ROBO2: variants seen among roughly 807,000 people sequenced by gnomAD.
ROBO2 encodes roundabout guidance receptor 2.
In ROBO2, 53 loss-of-function variants were observed where a neutral mutation model predicts 160.8. The observed-to-expected ratio is 0.33, with a 90% CI of 0.26 to 0.41. The LOEUF is 0.41. Ranked by LOEUF, ROBO2 falls within the 10% of genes least tolerant of loss-of-function variation. The pLI is 1.00. For missense variants in ROBO2, 1,577 were observed against 1,722.4 expected, an observed-to-expected ratio of 0.92 and a Z score of 1.49; for synonymous variants, 664 against 611.7, an observed-to-expected ratio of 1.09 and a Z score of -1.26.
At chr3:76,949,049 C>A (rs912522714) in intron 2 of ROBO2, among the ~76,000 whole-genome samples, 1 of 150,410 alleles carries the variant, frequency 6.6e-6, no homozygotes, top group East Asian at 1.9e-4. Flanking sequence ...CCACGCCTGG[C>A]CATAATTTAA....
At chr3:76,815,970 C>G (rs1353526995) in intron 2 of ROBO2, among the ~76,000 whole-genome samples, 6 of 152,118 alleles carry the variant, frequency 3.9e-5, no homozygotes, top group Non-Finnish European at 8.8e-5. Flanking sequence ...TGTAGCTTTT[C>G]TCATTTATTT....
intron 1 of ROBO2, among the ~76,000 whole-genome samples, chr3:77,074,875 C>T (rs1578744235): frequency 6.6e-6 from 1 of 152,120 alleles, no homozygotes; most frequent in African/African-American, 2.4e-5. Context: ...ATTTAAAATG[C>T]TACATGTGGA....
chr3:77,091,025 G>T (rs2070166889), intron 1 of ROBO2, among the ~76,000 whole-genome samples: 2 of 152,142 alleles, frequency 1.3e-5, no homozygotes, highest in South Asian at 4.1e-4. Flanking sequence ...TTCACACTCT[G>T]TCCCTAATTT....
chr3:76,755,973 A>G (rs2060947262), intron 2 of ROBO2, among the ~76,000 whole-genome samples: 1 of 151,866 alleles, frequency 6.6e-6, no homozygotes, highest in Admixed American at 6.6e-5. Flanking sequence ...AAAGCTATTA[A>G]AAACCCTTGA....
At chr3:76,919,591 CA>C (rs1378323101) in intron 2 of ROBO2, among the ~76,000 whole-genome samples, 8 of 152,046 alleles carry the variant, frequency 5.3e-5, no homozygotes. Context: ...GTATATAATT[CA>C]AAACACTTGT....
intron 2 of ROBO2, among the ~76,000 whole-genome samples, chr3:76,979,032 T>G (rs553718192): frequency 6.6e-6 from 1 of 151,774 alleles, no homozygotes; most frequent in Admixed American, 6.6e-5. Context: ...AGACTCAACA[T>G]CTTGAGCTGA....
intron 1 of ROBO2, among the ~76,000 whole-genome samples, chr3:77,085,433 T>C (rs1247659277): frequency 6.6e-6 from 1 of 152,104 alleles, no homozygotes; most frequent in African/African-American, 2.4e-5. Flanking sequence ...TTATCTAAGG[T>C]GTTTTTGGTG....
intron 2 of ROBO2, among the ~76,000 whole-genome samples, chr3:75,947,921 A>G (rs567985858): frequency 4.6e-5 from 7 of 152,226 alleles, no homozygotes; most frequent in African/African-American, 1.7e-4. Flanking sequence ...GGCTTTTTAA[A>G]GTGATCTTTA....
chr3:76,397,058 A>G (rs1277491875), intron 2 of ROBO2, among the ~76,000 whole-genome samples: 1 of 152,154 alleles, frequency 6.6e-6, no homozygotes, highest in East Asian at 1.9e-4. Context: ...GCATCACGCT[A>G]CCTGACTTCA....
At chr3:76,728,167 A>G (rs1395945176) in intron 2 of ROBO2, among the ~76,000 whole-genome samples, 2 of 152,134 alleles carry the variant, frequency 1.3e-5, no homozygotes, top group Non-Finnish European at 2.9e-5. Context: ...AAATGTCATC[A>G]TACAGGTCTT....
At chr3:75,986,285 A>G (rs1329261098) in intron 2 of ROBO2, among the ~76,000 whole-genome samples, 1 of 151,540 alleles carries the variant, frequency 6.6e-6, no homozygotes, top group Non-Finnish European at 1.5e-5. Context: ...CATTTCTCTA[A>G]TGATTCATTA....
chr3:77,625,158 A>T (rs908933018), intron 23 of ROBO2, among the ~76,000 whole-genome samples: 2 of 151,900 alleles, frequency 1.3e-5, no homozygotes, highest in African/African-American at 4.8e-5. Context: ...GGAAAAGGCT[A>T]AAAAAAAGAA....
intron 2 of ROBO2, among the ~76,000 whole-genome samples, chr3:76,330,585 C>A (rs2073406713): frequency 6.6e-6 from 1 of 152,026 alleles, no homozygotes; most frequent in Non-Finnish European, 1.5e-5. Context: ...AAATGCAATC[C>A]TCATTCTTAT....
At chr3:76,888,163 T>A (rs557148618) in intron 2 of ROBO2, among the ~76,000 whole-genome samples, 1 of 152,082 alleles carries the variant, frequency 6.6e-6, no homozygotes, top group South Asian at 2.1e-4. Flanking sequence ...AGGCTGGGAG[T>A]TGGTGACCAG....
chr3:77,392,252 A>C (rs1189489201), intron 2 of ROBO2, among the ~76,000 whole-genome samples: 2 of 152,206 alleles, frequency 1.3e-5, no homozygotes, highest in South Asian at 4.1e-4. Flanking sequence ...GCTAAAATTC[A>C]ACCTATTTGA....
chr3:76,189,260 A>G (rs543101960), intron 2 of ROBO2, among the ~76,000 whole-genome samples: 38 of 152,114 alleles, frequency 2.5e-4, no homozygotes, highest in Non-Finnish European at 4.7e-4. Flanking sequence ...AGACAAGCAG[A>G]GATTCTAGAT....
chr3:77,216,360 T>C (rs986214943), intron 2 of ROBO2, among the ~76,000 whole-genome samples: 2 of 152,160 alleles, frequency 1.3e-5, no homozygotes, highest in African/African-American at 4.8e-5. Flanking sequence ...TCCGTGGGCA[T>C]AGGACCCTCT....
At chr3:76,351,947 TTAA>T (rs1212748725) in intron 2 of ROBO2, among the ~76,000 whole-genome samples, 2 of 152,046 alleles carry the variant, frequency 1.3e-5, no homozygotes, top group African/African-American at 4.8e-5. Context: ...TCAATTAATG[TTAA>T]TAACTTTACA....
chr3:76,866,470 T>C (rs2071383974), intron 2 of ROBO2, among the ~76,000 whole-genome samples: 2 of 152,134 alleles, frequency 1.3e-5, no homozygotes, highest in Non-Finnish European at 2.9e-5. Context: ...TAAAATATTG[T>C]TATTGACAAA....
Sources: allele counts gnomAD v4.1 joint callset (sites outside exome capture counted in the v4.1 genomes callset), GRCh38; gene constraint gnomAD v4.1.1; transcripts MANE v1.5; gene names NCBI Gene and HGNC (gene_info 2026-07-23, HGNC 2026-07-21).